MSRA: variants seen among roughly 807,000 people sequenced by gnomAD.
The protein encoded by MSRA is mitochondrial peptide methionine sulfoxide reductase.
MSRA carries 54 observed loss-of-function variants against 31.3 expected under a neutral mutation model. The ratio of observed to expected loss-of-function variants is 1.73; its 90% CI spans 1.39 to 2.17. The LOEUF is 2.17. Ranked by LOEUF, MSRA falls within the 30% of genes most tolerant of loss-of-function variation. MSRA has a pLI of 0.00. For missense variants in MSRA, 507 were observed against 300.9 expected (o/e 1.69, Z -5.07); for synonymous variants, 169 against 116.5 (o/e 1.45, Z -2.90).
chr8:10,236,255 G>T (rs1405297322), intron 2 of MSRA, among the ~76,000 whole-genome samples: 1 of 152,122 alleles, frequency 6.6e-6, no homozygotes, highest in Admixed American at 6.5e-5. Context: ...AAGGTCCTAG[G>T]CCAATGCAAT....
chr8:10,254,027 C>T (rs867090207), intron 3 of MSRA, among the ~76,000 whole-genome samples: 2 of 152,088 alleles, frequency 1.3e-5, no homozygotes, highest in African/African-American at 4.8e-5. Flanking sequence ...GGGGCCGTGC[C>T]TCCGATCTGC....
At chr8:10,248,553 C>G (rs1048287241) in intron 3 of MSRA, among the ~76,000 whole-genome samples, 3 of 152,184 alleles carry the variant, frequency 2.0e-5, no homozygotes, top group African/African-American at 7.2e-5. Context: ...ACAGCCTCAA[C>G]AGGGGAGAAG....
intron 3 of MSRA, among the ~76,000 whole-genome samples, chr8:10,260,515 G>A (rs1420354752): frequency 1.3e-5 from 2 of 152,166 alleles, no homozygotes; most frequent in African/African-American, 2.4e-5. Context: ...GACTGGTCAC[G>A]TAGCCTGGAG....
chr8:10,343,037 A>ACG (rs1305212311), intron 5 of MSRA, among the ~76,000 whole-genome samples: 1 of 105,316 alleles, frequency 9.5e-6, no homozygotes, highest in Non-Finnish European at 1.9e-5. Flanking sequence ...ACACACACAC[A>ACG]CACACACACA....
rs943470439 is a variant in MSRA at position 10,420,080 on chromosome 8, G to T, written c.544-8068G>T. Among the ~76,000 whole-genome samples the T allele has an allele frequency of 3.3e-5, 5 of 152,176 alleles. No individual in the cohort carries two copies. In the East Asian group the frequency reaches 7.7e-4, roughly 23 times the overall value. On this transcript the variant is annotated intron_variant, in intron 5 of 5. Transcript: ENST00000317173. ...AAAAGCAACAAAATATGGCATGTAC[G>T]TAGAGTGGAATAGTGTGCAGCCTTA...
At chr8:10,153,825 A>C (rs900328984) in intron 1 of MSRA, among the ~76,000 whole-genome samples, 4 of 152,232 alleles carry the variant, frequency 2.6e-5, no homozygotes, top group African/African-American at 4.8e-5. Context: ...TTGGTTTTCA[A>C]ATCTCATATT....
intron 1 of MSRA, among the ~76,000 whole-genome samples, chr8:10,088,247 G>C (rs1798671725): frequency 6.6e-6 from 1 of 152,164 alleles, no homozygotes; most frequent in African/African-American, 2.4e-5. Context: ...ATGTATTTTG[G>C]TATAGCCATT....
chr8:10,246,334 A>G (rs117960220), intron 3 of MSRA, among the ~76,000 whole-genome samples: 2 of 152,140 alleles, frequency 1.3e-5, no homozygotes, highest in Non-Finnish European at 2.9e-5. Context: ...CGAATACCAG[A>G]TTACCTCTCT....
intron 1 of MSRA, among the ~76,000 whole-genome samples, chr8:10,175,424 C>A (rs1471697690): frequency 6.6e-6 from 1 of 152,096 alleles, no homozygotes; most frequent in Non-Finnish European, 1.5e-5. Flanking sequence ...TTTGCTTTCC[C>A]CAAAGTGTCA....
chr8:10,344,410 C>A (rs1165990432), intron 5 of MSRA, among the ~76,000 whole-genome samples: 1 of 151,586 alleles, frequency 6.6e-6, no homozygotes. Flanking sequence ...CCCGTCTCTA[C>A]TAAAAATACA....
chr8:10,064,389 T>A (rs1797356148), intron 1 of MSRA, among the ~76,000 whole-genome samples: 1 of 152,156 alleles, frequency 6.6e-6, no homozygotes, highest in Non-Finnish European at 1.5e-5. Context: ...TGGTTTCTTG[T>A]ATTTCTGTAG....
chr8:10,378,295 G>A (rs1290375837), intron 5 of MSRA, among the ~76,000 whole-genome samples: 1 of 152,170 alleles, frequency 6.6e-6, no homozygotes, highest in Non-Finnish European at 1.5e-5. Context: ...GATTCTAAGG[G>A]ACCACAGGGA....
At chr8:10,172,836 C>T (rs534695593) in intron 1 of MSRA, among the ~76,000 whole-genome samples, 11 of 152,266 alleles carry the variant, frequency 7.2e-5, no homozygotes, top group African/African-American at 2.6e-4. Flanking sequence ...ATACCAAGAA[C>T]CGATTATGTG....
intron 3 of MSRA, among the ~76,000 whole-genome samples, chr8:10,274,812 C>T (rs1563297099): frequency 6.6e-6 from 1 of 150,962 alleles, no homozygotes; most frequent in Non-Finnish European, 1.5e-5. Flanking sequence ...TTCATCCATC[C>T]ATCTACCCAT....
intron 1 of MSRA, among the ~76,000 whole-genome samples, chr8:10,160,798 G>T (rs1252606076): frequency 3.8e-4 from 58 of 152,106 alleles, no homozygotes; most frequent in Admixed American, 3.7e-3. Flanking sequence ...AAAGTGCTGG[G>T]ATTACAGGCA....
chr8:10,206,999 G>T (rs1258682993), intron 1 of MSRA, among the ~76,000 whole-genome samples: 1 of 152,210 alleles, frequency 6.6e-6, no homozygotes, highest in African/African-American at 2.4e-5. Flanking sequence ...CGATGATGCA[G>T]TGTGAAGCGT....
chr8:10,089,783 C>T (rs1462496056), intron 1 of MSRA, among the ~76,000 whole-genome samples: 1 of 152,198 alleles, frequency 6.6e-6, no homozygotes, highest in Non-Finnish European at 1.5e-5. Context: ...GGACCAAACC[C>T]AAGGGGCGTC....
At chr8:10,164,758 C>A (rs1056963688) in intron 1 of MSRA, among the ~76,000 whole-genome samples, 1 of 152,148 alleles carries the variant, frequency 6.6e-6, no homozygotes, top group African/African-American at 2.4e-5. Flanking sequence ...TCACCTGAGC[C>A]AGTGGCTCAA....
chr8:10,420,667 A>T (rs1406875470), intron 5 of MSRA, among the ~76,000 whole-genome samples: 2 of 151,948 alleles, frequency 1.3e-5, no homozygotes, highest in African/African-American at 4.8e-5. Context: ...GCAGCAAGAG[A>T]GGGCAGCCCC....
Sources: gnomAD v4.1 joint callset for allele counts (sites outside exome capture counted in the v4.1 genomes callset) on GRCh38, gnomAD v4.1.1 for gene constraint, MANE v1.5 for transcripts, NCBI Gene and HGNC (gene_info 2026-07-23, HGNC 2026-07-21) for gene names.